The following VWA8 variants were observed in gnomAD, a reference collection of about 807,000 sequenced individuals.
The protein encoded by VWA8 is von Willebrand factor A domain-containing protein 8.
Under a neutral mutation model 241.5 loss-of-function variants are expected in VWA8, and 221 were observed. That is an observed-to-expected ratio of 0.91 (90% confidence interval 0.82 to 1.02). The LOEUF (loss-of-function observed/expected upper bound fraction) is 1.02. VWA8 is among the 50% of genes least tolerant of loss of function. The pLI is 0.00. For missense variants in VWA8, 2,322 were observed against 2,328.7 expected (o/e 1.00, Z 0.06); for synonymous variants, 852 against 827.1 (o/e 1.03, Z -0.52).
At chr13:41,637,514 G>A (rs1008438338) in intron 37 of VWA8, among the ~76,000 whole-genome samples, 10 of 151,524 alleles carry the variant, frequency 6.6e-5, no homozygotes, top group African/African-American at 2.2e-4. Context: ...GTATACATAC[G>A]TAACAAACCT....
intron 21 of VWA8, among the ~76,000 whole-genome samples, chr13:41,749,275 C>A (rs914713361): frequency 1.3e-5 from 2 of 152,204 alleles, no homozygotes; most frequent in African/African-American, 4.8e-5. Context: ...CACTGGCCAT[C>A]AGAGAAATGC....
chr13:41,751,017 T>C (rs766587908), intron 21 of VWA8, among the ~76,000 whole-genome samples: 9 of 152,140 alleles, frequency 5.9e-5, no homozygotes, highest in Admixed American at 6.5e-5. Context: ...CAGCCTCAAT[T>C]GCAAGACAGA....
chr13:41,854,445 T>G (rs1196037960), intron 12 of VWA8, among the ~76,000 whole-genome samples: 2 of 139,950 alleles, frequency 1.4e-5, no homozygotes, highest in Admixed American at 1.4e-4. Flanking sequence ...TTAAAAATAT[T>G]TCAAAATATT....
At chr13:41,904,097 A>G (rs1875586551) in intron 4 of VWA8, among the ~76,000 whole-genome samples, 1 of 152,148 alleles carries the variant, frequency 6.6e-6, no homozygotes, top group South Asian at 2.1e-4. Flanking sequence ...ACTAAAATAT[A>G]TATCATCTAA....
At chr13:41,849,849 T>C (rs1053257619) in intron 12 of VWA8, among the ~76,000 whole-genome samples, 4 of 151,528 alleles carry the variant, frequency 2.6e-5, no homozygotes, top group Non-Finnish European at 4.4e-5. Context: ...ATCGCGCCAC[T>C]GTACTACAGC....
chr13:41,881,369 TGCCGGGGGG>T (rs1227771038), intron 9 of VWA8, among the ~76,000 whole-genome samples: 17 of 2,220 alleles, frequency 7.7e-3, no homozygotes, highest in African/African-American at 0.024. Context: ...AGTTTTTTTT[TGCCGGGGGG>T]GGGGGGGGGG....
intron 2 of VWA8, among the ~76,000 whole-genome samples, chr13:41,925,030 C>A (rs1026270298): frequency 6.6e-6 from 1 of 152,146 alleles, no homozygotes; most frequent in Non-Finnish European, 1.5e-5. Flanking sequence ...AGCATCAAGT[C>A]ACATATAAGG....
intron 15 of VWA8, 138 bp from the exon 16 acceptor site, chr13:41,816,913 T>A: frequency 1.5e-6 from 1 of 683,082 alleles, no homozygotes; most frequent in Non-Finnish European, 2.5e-6. Flanking sequence ...GCTAAATGTT[T>A]AACTTATGGA....
At chr13:41,732,222 T>C (rs2045490544) in intron 21 of VWA8, 67 bp from the exon 22 acceptor site, 1 of 1,458,608 alleles carries the variant, frequency 6.9e-7, no homozygotes, top group Middle Eastern at 1.8e-4. Context: ...ATGATAAAAA[T>C]ACAGCACAGG....
At chr13:41,783,639 G>GAAA (rs150170475) in intron 19 of VWA8, among the ~76,000 whole-genome samples, 156 bp downstream of exon 19, 6 of 111,814 alleles carry the variant, frequency 5.4e-5, no homozygotes, top group African/African-American at 1.3e-4. Flanking sequence ...CTGCATCACA[G>GAAA]AAAAAAAAAA....
intron 17 of VWA8, among the ~76,000 whole-genome samples, chr13:41,810,813 T>C (rs1384934537): frequency 6.6e-6 from 1 of 152,124 alleles, no homozygotes; most frequent in Non-Finnish European, 1.5e-5. Flanking sequence ...GTGATAGATA[T>C]GGCATTCACC....
chr13:41,676,658 G>A (rs2045062246), intron 35 of VWA8, among the ~76,000 whole-genome samples: 1 of 152,140 alleles, frequency 6.6e-6, no homozygotes, highest in South Asian at 2.1e-4. Context: ...TGGAGACAGA[G>A]TCTCACTCTT....
intron 37 of VWA8, among the ~76,000 whole-genome samples, chr13:41,666,855 C>T (rs541415077): frequency 1.6e-4 from 25 of 152,112 alleles, no homozygotes; most frequent in African/African-American, 4.1e-4. Flanking sequence ...TGACACGTGG[C>T]GAGGAGACAT....
chr13:41,739,832 TTTTTTTGTTTTTTTTGTTTTTTTTG>T lies in VWA8; in HGVS notation c.2427-7702_2427-7678del, dbSNP rs1436198975. Among the ~76,000 whole-genome samples the T allele has an allele frequency of 7.5e-4, 42 of 55,890 alleles. 1 individual carries two copies. In the South Asian group the frequency reaches 0.018, roughly 24 times the overall value. The allele number at this position is 55,890 out of a possible 152,430, so 36.7% of individuals were successfully genotyped here. A position where few individuals can be genotyped will look rare whatever the true frequency, so the allele number is the denominator to read the frequency against. On this transcript the variant is annotated intron_variant, in intron 21 of 44. Coordinates refer to ENST00000379310, the MANE Select transcript of VWA8 (RefSeq NM_015058.2). Reference sequence around the variant, plus strand: ...TCCAGTATCATTGTTTTTTTGTTTTTTTTTTTGTTTTTTTTGTTTTTTTTGTTTTTTTTTTTTTTTGAGACAGAGT... The same window carrying T: ...TCCAGTATCATTGTTTTTTTGTTTTTTTTTTTTTTTTTTTTGAGACAGAGT...
intron 9 of VWA8, among the ~76,000 whole-genome samples, chr13:41,869,243 G>A (rs985874034): frequency 2.6e-5 from 4 of 152,130 alleles, no homozygotes; most frequent in Non-Finnish European, 5.9e-5. Context: ...TCAGCTATGT[G>A]AATAGCTTAA....
intron 4 of VWA8, among the ~76,000 whole-genome samples, chr13:41,905,904 A>G (rs1875689997): frequency 6.6e-6 from 1 of 152,084 alleles, no homozygotes; most frequent in East Asian, 1.9e-4. Context: ...TCATCATTGT[A>G]AAGGTACATT....
intron 17 of VWA8, among the ~76,000 whole-genome samples, chr13:41,800,096 G>A (rs984031992): frequency 1.1e-4 from 17 of 152,148 alleles, no homozygotes; most frequent in Non-Finnish European, 4.4e-5. Context: ...GTTCATCCAC[G>A]TTATAACATG....
At chr13:41,914,442 T>A (rs1876158931) in intron 2 of VWA8, among the ~76,000 whole-genome samples, 1 of 152,196 alleles carries the variant, frequency 6.6e-6, no homozygotes, top group Non-Finnish European at 1.5e-5. Context: ...CTTTTACCTA[T>A]TTTCTTTTCT....
chr13:41,721,484 G>A lies in VWA8; in HGVS notation c.2850C>T (p.Pro950=). ...AGGCAGCCACAAGCTTCTGAAGGAT[G>A]GGCTCAGGCACATTTGGTCCATACT... ...LRQYGPNVPE[P]ILQKLVAAFG... The change falls in exon 25 of 45, where the codon CCC becomes CCT. Residue 950 remains proline, a synonymous_variant. Coordinates refer to ENST00000379310, the MANE Select transcript of VWA8 (RefSeq NM_015058.2). The A allele has an allele frequency of 1.9e-6, 3 of 1,613,892 alleles. No individual in the cohort carries two copies. The highest frequency in any genetic ancestry group is 2.2e-5 in the South Asian group (2 of 91,074).
Sources: gnomAD v4.1 joint callset for allele counts (sites outside exome capture counted in the v4.1 genomes callset) on GRCh38, gnomAD v4.1.1 for gene constraint, MANE v1.5 for transcripts, NCBI Gene and HGNC (gene_info 2026-07-23, HGNC 2026-07-21) for gene names.